Variants in HMGCLL1 observed in about 807,000 individuals in gnomAD.
HMGCLL1 encodes the protein 3-hydroxy-3-methylglutaryl-CoA lyase like 1, also known as 3-hydroxymethyl-3-methylglutaryl-CoA lyase, cytoplasmic.
Under a neutral mutation model 39.1 loss-of-function variants are expected in HMGCLL1, and 36 were observed. That is an observed-to-expected ratio of 0.92 (90% CI 0.71 to 1.22). The LOEUF (loss-of-function observed/expected upper bound fraction) is 1.22. HMGCLL1 is among the 50% of genes most tolerant of loss of function. The pLI, the probability that HMGCLL1 is intolerant of heterozygous loss-of-function variation, is 0.00. For synonymous variants in HMGCLL1, 149 were observed against 144.0 expected, an observed-to-expected ratio of 1.03 and a Z score of -0.25; for missense variants, 451 against 416.5, an observed-to-expected ratio of 1.08 and a Z score of -0.72.
At chr6:55,452,664 A>C (rs1476364724) in intron 7 of HMGCLL1, among the ~76,000 whole-genome samples, 2 of 152,210 alleles carry the variant, frequency 1.3e-5, no homozygotes, top group African/African-American at 4.8e-5. Flanking sequence ...ATTCAGAATC[A>C]GGTAAAAAAA....
At chr6:55,658,751 G>A in the HMGCLL1 span, among the ~76,000 whole-genome samples, 1 of 151,914 alleles carries the variant, frequency 6.6e-6, no homozygotes, top group African/African-American at 2.4e-5. Flanking sequence ...AGTAAAAATA[G>A]ACATGTTCTG....
the HMGCLL1 span, among the ~76,000 whole-genome samples, chr6:55,645,106 G>T: frequency 2.0e-5 from 3 of 151,738 alleles, no homozygotes; most frequent in African/African-American, 7.3e-5. Context: ...TTGTTGTAGA[G>T]AACTTTTACT....
chr6:55,601,124 C>T, the HMGCLL1 span, among the ~76,000 whole-genome samples: 3 of 152,084 alleles, frequency 2.0e-5, no homozygotes, highest in Admixed American at 2.0e-4. Flanking sequence ...ATCCTGATTG[C>T]CACAAATGAC....
At chr6:55,637,139 T>A in the HMGCLL1 span, among the ~76,000 whole-genome samples, 1 of 152,196 alleles carries the variant, frequency 6.6e-6, no homozygotes, top group Non-Finnish European at 1.5e-5. Context: ...GCCAAGGAAC[T>A]AGCATACATC....
intron 3 of HMGCLL1, among the ~76,000 whole-genome samples, chr6:55,528,176 T>C (rs1386417925): frequency 6.6e-6 from 1 of 152,106 alleles, no homozygotes; most frequent in Non-Finnish European, 1.5e-5. Flanking sequence ...TCAGAAGCTA[T>C]CTGTCTACAA....
chr6:55,498,017 C>T (rs1766670452), intron 6 of HMGCLL1, among the ~76,000 whole-genome samples: 2 of 152,120 alleles, frequency 1.3e-5, no homozygotes, highest in East Asian at 1.9e-4. Context: ...TAGAATCACA[C>T]AAAAGGCCCC....
the HMGCLL1 span, among the ~76,000 whole-genome samples, chr6:55,631,296 T>C: frequency 2.0e-5 from 3 of 152,156 alleles, no homozygotes; most frequent in African/African-American, 7.2e-5. Flanking sequence ...TCATTCTTTA[T>C]GAAGACTTTT....
chr6:55,577,058 TG>T, intron 1 of HMGCLL1: 1 of 1,613,694 alleles, frequency 6.2e-7, no homozygotes, highest in Non-Finnish European at 8.5e-7. Context: ...TAGATAGTGA[TG>T]GGGCATCTGG....
At chr6:55,486,087 CAT>C (rs1021946724) in intron 7 of HMGCLL1, among the ~76,000 whole-genome samples, 12 of 148,928 alleles carry the variant, frequency 8.1e-5, no homozygotes, top group East Asian at 2.0e-4. Context: ...CACACACACA[CAT>C]ACACAATATG....
chr6:55,646,194 G>A, the HMGCLL1 span, among the ~76,000 whole-genome samples: 1 of 151,824 alleles, frequency 6.6e-6, no homozygotes, highest in African/African-American at 2.4e-5. Flanking sequence ...GTTACTCACA[G>A]TAGCCACTAA....
intron 7 of HMGCLL1, among the ~76,000 whole-genome samples, chr6:55,478,423 A>G (rs1331442278): frequency 6.6e-6 from 1 of 151,532 alleles, no homozygotes; most frequent in African/African-American, 2.4e-5. Context: ...AAAATAGTAT[A>G]TATGAATAAT....
At chr6:55,528,419 T>C (rs1561938910) in intron 3 of HMGCLL1, among the ~76,000 whole-genome samples, 1 of 152,030 alleles carries the variant, frequency 6.6e-6, no homozygotes, top group Non-Finnish European at 1.5e-5. Context: ...CTAGAGCTCT[T>C]CCTGACAACC....
At chr6:55,666,915 G>A in the HMGCLL1 span, among the ~76,000 whole-genome samples, 3 of 151,486 alleles carry the variant, frequency 2.0e-5, no homozygotes, top group East Asian at 5.8e-4. Flanking sequence ...TAGAAGCCAG[G>A]AAACACTCAC....
At chr6:55,654,547 T>C in the HMGCLL1 span, among the ~76,000 whole-genome samples, 1 of 151,866 alleles carries the variant, frequency 6.6e-6, no homozygotes, top group Non-Finnish European at 1.5e-5. Flanking sequence ...TTCCTGGCAA[T>C]TAAAAGTTCT....
At position 55,565,634 on chromosome 6, in the gene HMGCLL1, G is replaced by A. The variant is rs181099443; in HGVS notation, c.108+13314C>T. On this transcript the variant is annotated intron_variant, in intron 1 of 8. Transcript: ENST00000274901. ...AACATCTGTACAAATTCTTCAAAGA[G>A]CAAGTAGATTTAAGGGATCCAGCTC... Among the ~76,000 whole-genome samples, 177 of 152,122 alleles carry A rather than the reference G, an allele frequency of 1.2e-3. 1 individual carries two copies. Among genetic ancestry groups the A allele is most frequent in the African/African-American group, 4.1e-3 (172 of 41,524 alleles).
chr6:55,532,944 G>A (rs1238342666), intron 3 of HMGCLL1, among the ~76,000 whole-genome samples: 1 of 150,676 alleles, frequency 6.6e-6, no homozygotes, highest in African/African-American at 2.4e-5. Flanking sequence ...TTATAAATAG[G>A]CTTTGGGCAA....
chr6:55,660,226 T>C, the HMGCLL1 span, among the ~76,000 whole-genome samples: 2 of 151,850 alleles, frequency 1.3e-5, no homozygotes. Flanking sequence ...ATATTTAACT[T>C]TTATTTTACT....
At chr6:55,656,790 C>G in the HMGCLL1 span, among the ~76,000 whole-genome samples, 8,372 of 151,974 alleles carry the variant, frequency 0.055, 394 homozygotes, top group Non-Finnish European at 0.077. Context: ...AATATGATTT[C>G]AAAGATTGCT....
chr6:55,518,397 CA>C (rs1187591461), intron 3 of HMGCLL1, among the ~76,000 whole-genome samples: 4 of 152,126 alleles, frequency 2.6e-5, no homozygotes, highest in Admixed American at 1.3e-4. Flanking sequence ...ATTGTTCCAA[CA>C]AAAAATGGCC....
Sources: gnomAD v4.1 joint callset for allele counts (sites outside exome capture counted in the v4.1 genomes callset) on GRCh38, gnomAD v4.1.1 for gene constraint, MANE v1.5 for transcripts, NCBI Gene and HGNC (gene_info 2026-07-23, HGNC 2026-07-21) for gene names.